IRAG2: variants seen among roughly 807,000 people sequenced by gnomAD.
The protein encoded by IRAG2 is inositol 1,4,5-triphosphate receptor associated 2, also known as lymphoid restricted membrane protein.
IRAG2 carries 45 observed loss-of-function variants against 69.9 expected under a neutral mutation model. The observed-to-expected ratio is 0.64, with a 90% confidence interval of 0.51 to 0.83. The LOEUF (loss-of-function observed/expected upper bound fraction) is 0.83. Ranked by LOEUF, IRAG2 falls within the 40% of genes least tolerant of loss-of-function variation. The pLI is 0.00. For missense variants in IRAG2, 520 were observed against 587.0 expected, an observed-to-expected ratio of 0.89 and a Z score of 1.18; for synonymous variants, 193 against 202.4, an observed-to-expected ratio of 0.95 and a Z score of 0.40.
intron 11 of IRAG2, among the ~76,000 whole-genome samples, chr12:25,088,655 TGAAAA>T (rs769648322): frequency 8.6e-5 from 13 of 152,042 alleles, no homozygotes; most frequent in Non-Finnish European, 1.6e-4. Flanking sequence ...AAGAGGAAAA[TGAAAA>T]GAAGAAAAGT....
chr12:25,094,946 A>G (rs1403861252), intron 14 of IRAG2, among the ~76,000 whole-genome samples: 1 of 152,096 alleles, frequency 6.6e-6, no homozygotes, highest in Non-Finnish European at 1.5e-5. Context: ...TTGAATGTGT[A>G]TATTAGTTCT....
At chr12:25,059,936 A>G (rs1221462568) in intron 1 of IRAG2, among the ~76,000 whole-genome samples, 5 of 152,194 alleles carry the variant, frequency 3.3e-5, no homozygotes, top group Admixed American at 6.5e-5. Flanking sequence ...TCTCCAGGCT[A>G]TTAAGATATA....
chr12:25,080,577 C>T (rs1306398989), intron 9 of IRAG2, among the ~76,000 whole-genome samples: 1 of 152,138 alleles, frequency 6.6e-6, no homozygotes, highest in Non-Finnish European at 1.5e-5. Flanking sequence ...TGGTCTCGAT[C>T]TCCTGACCTC....
chr12:25,038,760 C>T (rs1013463854), intron 16 of IRAG2, among the ~76,000 whole-genome samples: 7 of 151,972 alleles, frequency 4.6e-5, no homozygotes, highest in Non-Finnish European at 8.8e-5. Context: ...CCTCTAGTAA[C>T]CTCATAATTT....
At chr12:25,023,128 A>C (rs1311932927) in intron 7 of IRAG2, among the ~76,000 whole-genome samples, 9 of 3,306 alleles carry the variant, frequency 2.7e-3, no homozygotes, top group African/African-American at 3.1e-3. Flanking sequence ...CTTCGTCTCA[A>C]AAAAAAAAAA....
intron 16 of IRAG2, among the ~76,000 whole-genome samples, chr12:25,043,228 T>C (rs1177964196): frequency 6.6e-6 from 1 of 152,146 alleles, no homozygotes; most frequent in African/African-American, 2.4e-5. Context: ...ATAATCCTTA[T>C]CCCTAGCTTA....
intron 16 of IRAG2, among the ~76,000 whole-genome samples, chr12:25,046,683 CAAAT>C (rs1228282578): frequency 2.0e-5 from 3 of 152,022 alleles, no homozygotes; most frequent in Non-Finnish European, 4.4e-5. Flanking sequence ...AAAGAAGACA[CAAAT>C]AAATGAAAAG....
chr12:25,028,734 TG>T (rs1328853529), intron 9 of IRAG2, among the ~76,000 whole-genome samples: 1 of 152,214 alleles, frequency 6.6e-6, no homozygotes, highest in Non-Finnish European at 1.5e-5. Context: ...ATTTTGTTGT[TG>T]TATGTGTCTG....
At chr12:25,052,156 C>T (rs1473051041), upstream of IRAG2, 2 of 393,332 alleles carry the variant, frequency 5.1e-6, no homozygotes, top group African/African-American at 2.1e-5. Context: ...GTCATAATTT[C>T]ACAGGGTGAC....
At chr12:25,054,193 A>G (rs2139901543) in intron 1 of IRAG2, among the ~76,000 whole-genome samples, 1 of 152,318 alleles carries the variant, frequency 6.6e-6, no homozygotes, top group South Asian at 2.1e-4. Flanking sequence ...CACTCTGTTA[A>G]GCTAGTAAGG....
At chr12:25,096,350 C>G (rs1948420142) in intron 14 of IRAG2, among the ~76,000 whole-genome samples, 2 of 152,082 alleles carry the variant, frequency 1.3e-5, no homozygotes, top group Non-Finnish European at 2.9e-5. Flanking sequence ...TGTCTGCTTC[C>G]AAATCTGTTA....
chr12:25,073,596 T>C (rs1252721170), intron 6 of IRAG2, among the ~76,000 whole-genome samples: 1 of 152,196 alleles, frequency 6.6e-6, no homozygotes, highest in Non-Finnish European at 1.5e-5. Context: ...AGCAGGTCTT[T>C]GGGAGAGCAA....
chr12:25,017,717 C>CAAA (rs144005949), intron 6 of IRAG2, among the ~76,000 whole-genome samples: 1 of 142,398 alleles, frequency 7.0e-6, no homozygotes, highest in Non-Finnish European at 1.5e-5. Context: ...GACTCTGTCT[C>CAAA]AAAAAAAAAA....
At chr12:25,015,749 T>C (rs916452934) in intron 5 of IRAG2, among the ~76,000 whole-genome samples, 1 of 152,216 alleles carries the variant, frequency 6.6e-6, no homozygotes, top group Non-Finnish European at 1.5e-5. Context: ...TTACACTCTT[T>C]TGGAAATTAT....
chr12:25,050,896 GA>G (rs1280417269), upstream of IRAG2, among the ~76,000 whole-genome samples: 4 of 130,584 alleles, frequency 3.1e-5, no homozygotes, highest in Non-Finnish European at 7.2e-5. Context: ...AATACTGCAC[GA>G]TCCCACTTCT....
At chr12:25,067,105 TA>T (rs1262454532) in intron 5 of IRAG2, among the ~76,000 whole-genome samples, 1 of 152,234 alleles carries the variant, frequency 6.6e-6, no homozygotes, top group African/African-American at 2.4e-5. Flanking sequence ...CGTAGACTGC[TA>T]AGTTAACATA....
chr12:25,059,538 G>C lies in IRAG2; in HGVS notation c.-446-2054G>C, dbSNP rs531339216. Among the ~76,000 whole-genome samples, 106 of 152,150 alleles carry C rather than the reference G, an allele frequency of 7.0e-4. 2 individuals carry two copies. Among genetic ancestry groups the C allele is most frequent in the Admixed American group, 6.9e-3 (106 of 15,280 alleles). On this transcript the variant is annotated intron_variant, in intron 1 of 21. Transcript: ENST00000556887. ...GGCTAATTTTTTTGTATTTTTAGTAGAGACAAGGTTTCACCATGTTGTTCA... is the reference window on the plus strand; with the variant it reads ...GGCTAATTTTTTTGTATTTTTAGTACAGACAAGGTTTCACCATGTTGTTCA...
upstream of IRAG2, among the ~76,000 whole-genome samples, chr12:25,002,495 G>A (rs953264062): frequency 6.6e-6 from 1 of 152,102 alleles, no homozygotes; most frequent in African/African-American, 2.4e-5. Context: ...AGACAACATT[G>A]AATTAAATGA....
chr12:25,044,482 C>A (rs10771161), intron 16 of IRAG2, among the ~76,000 whole-genome samples: 51,509 of 130,522 alleles, frequency 0.39, 10,356 homozygotes, highest in Admixed American at 0.55. Flanking sequence ...GAGGGCTGAA[C>A]ATATTAAATT....
Sources: gnomAD v4.1 joint callset for allele counts (sites outside exome capture counted in the v4.1 genomes callset) on GRCh38, gnomAD v4.1.1 for gene constraint, MANE v1.5 for transcripts, NCBI Gene and HGNC (gene_info 2026-07-23, HGNC 2026-07-21) for gene names.